The following MAP3K5 variants were observed in gnomAD, a reference collection of about 807,000 sequenced individuals.
The protein encoded by MAP3K5 is mitogen-activated protein kinase kinase kinase 5.
In MAP3K5, 56 loss-of-function variants were observed where a neutral mutation model predicts 158.7. That is an observed-to-expected ratio of 0.35 (90% CI 0.28 to 0.44). The LOEUF is 0.44. Ranked by LOEUF, MAP3K5 falls within the 20% of genes least tolerant of loss-of-function variation. MAP3K5 has a pLI of 1.00. For synonymous variants in MAP3K5, 579 were observed against 601.7 expected (o/e 0.96, Z 0.55); for missense variants, 1,294 against 1,674.8 (o/e 0.77, Z 3.97).
At chr6:136,731,936 T>C (rs1205783463) in intron 1 of MAP3K5, among the ~76,000 whole-genome samples, 4 of 152,162 alleles carry the variant, frequency 2.6e-5, no homozygotes, top group Non-Finnish European at 4.4e-5. Flanking sequence ...AATGGTGTAC[T>C]TGAACATTAT....
chr6:136,732,520 C>T (rs1291280868), intron 1 of MAP3K5, among the ~76,000 whole-genome samples: 4 of 152,092 alleles, frequency 2.6e-5, no homozygotes, highest in East Asian at 1.9e-4. Flanking sequence ...GGAAGAACAC[C>T]GATCTCCTCC....
At chr6:136,622,439 G>C (rs1017501579) in intron 15 of MAP3K5, among the ~76,000 whole-genome samples, 1 of 152,168 alleles carries the variant, frequency 6.6e-6, no homozygotes, top group Non-Finnish European at 1.5e-5. Context: ...ACGAATCCAA[G>C]AAGAGCCACT....
intron 7 of MAP3K5, among the ~76,000 whole-genome samples, chr6:136,689,120 C>T (rs1780277971): frequency 6.6e-6 from 1 of 151,806 alleles, no homozygotes; most frequent in Admixed American, 6.6e-5. Context: ...GCCAACACAG[C>T]AAGACCGCAT....
chr6:136,755,688 C>CAG (rs1562677146), intron 1 of MAP3K5, among the ~76,000 whole-genome samples: 2 of 49,582 alleles, frequency 4.0e-5, no homozygotes, highest in Non-Finnish European at 5.9e-5. Flanking sequence ...GACTCTGTCT[C>CAG]CAAAAAAAAA....
chr6:136,715,694 G>A (rs1433992008), intron 2 of MAP3K5, among the ~76,000 whole-genome samples: 6 of 152,088 alleles, frequency 3.9e-5, no homozygotes, highest in African/African-American at 1.4e-4. Flanking sequence ...GACGTCTGAA[G>A]CACTAACTGA....
intron 2 of MAP3K5, among the ~76,000 whole-genome samples, chr6:136,706,308 A>G (rs1781075369): frequency 6.6e-6 from 1 of 152,148 alleles, no homozygotes; most frequent in Non-Finnish European, 1.5e-5. Context: ...CAGTGTGCCC[A>G]TCTTCTAGGT....
intron 25 of MAP3K5, among the ~76,000 whole-genome samples, chr6:136,578,405 G>C (rs545292578): frequency 1.3e-5 from 2 of 152,276 alleles, no homozygotes; most frequent in South Asian, 4.2e-4. Context: ...CACTGTGCTG[G>C]ACAGTATGCT....
intron 2 of MAP3K5, among the ~76,000 whole-genome samples, chr6:136,717,616 T>C: frequency 6.6e-6 from 1 of 152,270 alleles, no homozygotes; most frequent in South Asian, 2.1e-4. Flanking sequence ...TCTCTTGTTC[T>C]GCTTCTTTCA....
chr6:136,756,456 C>G (rs188300111), intron 1 of MAP3K5, among the ~76,000 whole-genome samples: 2 of 152,234 alleles, frequency 1.3e-5, no homozygotes, highest in African/African-American at 4.8e-5. Context: ...CTTTTTGTTG[C>G]TGTTGTTGTT....
At chr6:136,617,434 C>G (rs144206968) in intron 15 of MAP3K5, among the ~76,000 whole-genome samples, 3 of 152,184 alleles carry the variant, frequency 2.0e-5, no homozygotes, top group Non-Finnish European at 4.4e-5. Context: ...CCATAGGTAT[C>G]GCCAGACATC....
intron 1 of MAP3K5, among the ~76,000 whole-genome samples, chr6:136,745,151 T>G (rs200708418): frequency 0.32 from 47,047 of 147,652 alleles, 8,820 homozygotes; most frequent in East Asian, 0.44. Flanking sequence ...AAGTTTTTTT[T>G]TTTTTTTTTT....
intron 1 of MAP3K5, among the ~76,000 whole-genome samples, chr6:136,749,099 G>C (rs901603876): frequency 6.6e-6 from 1 of 152,218 alleles, no homozygotes; most frequent in African/African-American, 2.4e-5. Flanking sequence ...AGTACTTTGA[G>C]AGGCCAAAGC....
intron 15 of MAP3K5, among the ~76,000 whole-genome samples, chr6:136,620,752 T>C (rs1301142683): frequency 6.6e-6 from 1 of 152,218 alleles, no homozygotes; most frequent in Non-Finnish European, 1.5e-5. Context: ...ACACTACAAC[T>C]GCGTTGCACT....
At chr6:136,745,196 T>C (rs1467412427) in intron 1 of MAP3K5, among the ~76,000 whole-genome samples, 1 of 150,988 alleles carries the variant, frequency 6.6e-6, no homozygotes, top group African/African-American at 2.4e-5. Context: ...CGGCATCTAT[T>C]ATGTATCTTG....
chr6:136,697,976 C>T (rs2114673761), intron 4 of MAP3K5, among the ~76,000 whole-genome samples: 1 of 152,328 alleles, frequency 6.6e-6, no homozygotes, highest in East Asian at 1.9e-4. Context: ...AACTCCTGAT[C>T]TCAAGTGATC....
intron 1 of MAP3K5, among the ~76,000 whole-genome samples, chr6:136,745,412 A>C (rs1171123235): frequency 6.6e-6 from 1 of 152,132 alleles, no homozygotes; most frequent in African/African-American, 2.4e-5. Flanking sequence ...CCTAGAAAAA[A>C]GGTTTTGTCA....
chr6:136,735,606 G>A (rs1582610014), intron 1 of MAP3K5, among the ~76,000 whole-genome samples: 1 of 152,164 alleles, frequency 6.6e-6, no homozygotes, highest in South Asian at 2.1e-4. Flanking sequence ...TGAGGCAGAG[G>A]ATCGCTTGAG....
Position 136,704,014 on chromosome 6 carries a change from T to C in MAP3K5, c.612+1096A>G, listed in dbSNP as rs145810349. Among the ~76,000 whole-genome samples the C allele has an allele frequency of 8.9e-3, 1,354 of 152,324 alleles. 8 individuals are homozygous for C. Among genetic ancestry groups the C allele is most frequent in the Non-Finnish European group, 0.015 (1,050 of 68,028 alleles). ...GCCACAACCATTGGCCTAACAAGGC[T>C]GTTTCCACTTTATATTATAATTCTT... On this transcript the variant is annotated intron_variant, in intron 3 of 29. Coordinates refer to ENST00000359015, the MANE Select transcript of MAP3K5 (RefSeq NM_005923.4).
chr6:136,652,561 T>C (rs2114410655), intron 10 of MAP3K5, among the ~76,000 whole-genome samples: 1 of 152,200 alleles, frequency 6.6e-6, no homozygotes, highest in South Asian at 2.1e-4. Flanking sequence ...GTATATGAAA[T>C]CAAAACAATA....
Sources: allele counts gnomAD v4.1 joint callset (sites outside exome capture counted in the v4.1 genomes callset), GRCh38; gene constraint gnomAD v4.1.1; transcripts MANE v1.5; gene names NCBI Gene and HGNC (gene_info 2026-07-23, HGNC 2026-07-21).